The following OGDHL variants were observed in gnomAD, a reference collection of about 807,000 sequenced individuals.
OGDHL encodes oxoglutarate dehydrogenase L, also known as 2-oxoglutarate dehydrogenase-like, mitochondrial.
In OGDHL, 79 loss-of-function variants were observed where a neutral mutation model predicts 109.6. That is an observed-to-expected ratio of 0.72 (90% CI 0.60 to 0.87). The LOEUF (loss-of-function observed/expected upper bound fraction) is 0.87. Ranked by LOEUF, OGDHL falls within the 40% of genes least tolerant of loss-of-function variation. The probability of loss-of-function intolerance (pLI) is 0.00; values close to 1 mark genes in which losing one functional copy is unlikely to be tolerated. For missense variants in OGDHL, 1,275 were observed against 1,362.2 expected (o/e 0.94, Z 1.01); for synonymous variants, 528 against 537.2 (o/e 0.98, Z 0.24).
intron 10 of OGDHL, 112 bp from the exon 11 acceptor site, chr10:49,746,089 G>C (rs1037454829): frequency 4.1e-6 from 5 of 1,206,686 alleles, no homozygotes; most frequent in Non-Finnish European, 5.8e-6. Context: ...GAGGTGCCCA[G>C]GAGGAATGTG....
chr10:49,744,796 G>A (rs374584446), intron 12 of OGDHL, 44 bp from the exon 13 acceptor site: 144 of 1,494,452 alleles, frequency 9.6e-5, no homozygotes, highest in Non-Finnish European at 1.3e-4. Context: ...AAAGCCCTGC[G>A]CAGCCAGACG....
chr10:49,737,763 A>G (rs1354582314), intron 20 of OGDHL, 23 bp downstream of exon 20: 1 of 1,613,852 alleles, frequency 6.2e-7, no homozygotes, highest in Non-Finnish European at 8.5e-7. Context: ...GGGCTACCCC[A>G]CACACCCAGG....
Position 49,756,878 on chromosome 10 carries a change from AG to A in OGDHL, c.272del (p.Pro91LeufsTer30). 1 of 1,614,058 alleles carries A rather than the reference AG, an allele frequency of 6.2e-7. No individual in the cohort carries two copies. Among genetic ancestry groups the A allele is most frequent in the Non-Finnish European group, 8.5e-7 (1 of 1,179,962 alleles). ...CAGACCTGCTCTCATGGACAACAGA[AG>A]GGGGCCGTGGCTGAGCAGAGCCAGA... is the stretch of plus-strand genomic sequence containing the variant. Reference protein sequence around the residue: ...AFSGSAQPRPPSVVHESRSAV... With the variant: ...AFSGSAQPRPXSVVHESRSAV... On this transcript the variant is annotated frameshift_variant, in exon 3 of 23. Coordinates refer to ENST00000374103, the MANE Select transcript of OGDHL (RefSeq NM_018245.3). LOFTEE classifies it high-confidence loss of function.
chr10:49,738,500 A>T (rs1364972085), intron 17 of OGDHL: 3 of 566,690 alleles, frequency 5.3e-6, no homozygotes, highest in Non-Finnish European at 9.5e-6. Flanking sequence ...CAGAAGAAAA[A>T]GCAAAAAGCC....
chr10:49,751,709 G>T, intron 6 of OGDHL, 118 bp downstream of exon 6: 1 of 1,340,480 alleles, frequency 7.5e-7, no homozygotes, highest in Non-Finnish European at 1.0e-6. Flanking sequence ...CCAGTGGTGA[G>T]GCCGATCCAG....
intron 3 of OGDHL, among the ~76,000 whole-genome samples, chr10:49,754,336 T>C (rs1230862297): frequency 3.9e-5 from 6 of 152,358 alleles, no homozygotes; most frequent in East Asian, 1.9e-4. Context: ...TATGTTTATA[T>C]TCATGCATTC....
intron 8 of OGDHL, among the ~76,000 whole-genome samples, chr10:49,748,841 G>A (rs186972024): frequency 2.6e-5 from 4 of 151,770 alleles, no homozygotes; most frequent in Non-Finnish European, 5.9e-5. Context: ...GGACACAGAG[G>A]AGGGAGTGAC....
In OGDHL at chr10:49,749,996, C is replaced by T. The variant is rs543517583; in HGVS notation, c.897-180G>A. ...GCTGTAATGGCCCGAGGCTTAAAGC[C>T]CCATGCTTTCTTGCTGCCTCAGGCC... On this transcript the variant is annotated intron_variant, in intron 7 of 22. Coordinates refer to ENST00000374103, the MANE Select transcript of OGDHL (RefSeq NM_018245.3). 5.9e-5 allele frequency among the ~76,000 whole-genome samples: 9 copies of T among 152,282 alleles called. No homozygotes were observed. The South Asian group carries it at 1.9e-3, about 32-fold the overall frequency.
chr10:49,745,067 C>A (rs1036444977), intron 12 of OGDHL, among the ~76,000 whole-genome samples: 1 of 152,240 alleles, frequency 6.6e-6, no homozygotes, highest in Admixed American at 6.5e-5. Flanking sequence ...ATGGGGACAA[C>A]CCCAGCTCAG....
chr10:49,740,904 G>A (rs1012704460), intron 15 of OGDHL, 67 bp from the exon 16 acceptor site: 19 of 1,598,658 alleles, frequency 1.2e-5, no homozygotes, highest in South Asian at 3.3e-5. Context: ...CCTGGAGCAG[G>A]GGAGCTGGGC....
chr10:49,755,467 T>G (rs946835544), intron 3 of OGDHL, among the ~76,000 whole-genome samples: 1 of 152,192 alleles, frequency 6.6e-6, no homozygotes, highest in Non-Finnish European at 1.5e-5. Flanking sequence ...GGGAAATTGA[T>G]GAAACAAGGC....
chr10:49,756,522 G>T, intron 3 of OGDHL: 1 of 357,470 alleles, frequency 2.8e-6, no homozygotes, highest in Non-Finnish European at 5.0e-6. Context: ...CACGTACTCG[G>T]GGCATGGTGT....
chr10:49,753,888 TAAAAAAAAAAA>T (rs63200161), intron 3 of OGDHL, among the ~76,000 whole-genome samples: 1 of 87,270 alleles, frequency 1.1e-5, no homozygotes, highest in Middle Eastern at 6.8e-3. Flanking sequence ...AAACTCCATC[TAAAAAAAAAAA>T]AAAAAAAAAA....
At chr10:49,745,621 C>G (rs1241154778) in intron 11 of OGDHL, 125 bp from the exon 12 acceptor site, 1 of 1,348,098 alleles carries the variant, frequency 7.4e-7, no homozygotes. Context: ...CCACTATCAC[C>G]TATCACCGAA....
Position 49,749,807 on chromosome 10 carries a change from C to T in OGDHL, c.906G>A (p.Leu302=). 6.3e-7 allele frequency: 1 copy of T among 1,595,440 alleles called. No individual in the cohort carries two copies. ...VILGMPHRGR[L]NVLANVIRKD... ...TGCGGATCACGTTGGCCAGCACGTT[C>T]AGCCTTCCCCTGGAGCCAGAGGGGC... The change falls in exon 8 of 23, where the codon CTG becomes CTA. Residue 302 remains leucine (L), a synonymous_variant. Coordinates refer to ENST00000374103, the MANE Select transcript of OGDHL (RefSeq NM_018245.3).
chr10:49,735,418 C>A, intron 22 of OGDHL, 67 bp from the exon 23 acceptor site: 1 of 1,570,756 alleles, frequency 6.4e-7, no homozygotes, highest in South Asian at 1.2e-5. Context: ...TGCCCTCACT[C>A]CGGGACTGCA....
chr10:49,754,127 A>C (rs1842775377), intron 3 of OGDHL, among the ~76,000 whole-genome samples: 1 of 152,200 alleles, frequency 6.6e-6, no homozygotes, highest in South Asian at 2.1e-4. Flanking sequence ...AGGGCCCAGA[A>C]GTAATGATCA....
chr10:49,739,801 G>A lies in OGDHL; in HGVS notation c.2179C>T (p.Leu727=). ...CCAAACTGGGCCTCCCAGAGGACCAGGGCATTGGGGCTGGCCATGGCATAG... is the reference window on the plus strand; with the variant it reads ...CCAAACTGGGCCTCCCAGAGGACCAAGGCATTGGGGCTGGCCATGGCATAG... ...LGYAMASPNA[L]VLWEAQFGDF... is the part of the protein sequence containing the mutation. The change falls in exon 17 of 23, where the codon CTG becomes TTG. Residue 727 remains leucine, a synonymous_variant. Transcript: ENST00000374103. 6.2e-7 allele frequency: 1 copy of A among 1,614,146 alleles called. No individual in the cohort carries two copies. The highest frequency in any genetic ancestry group is 1.1e-5 in the South Asian group (1 of 91,076).
chr10:49,754,897 T>C (rs938146184), intron 3 of OGDHL, among the ~76,000 whole-genome samples: 2 of 152,186 alleles, frequency 1.3e-5, no homozygotes, highest in Non-Finnish European at 2.9e-5. Flanking sequence ...AAGAGCCACT[T>C]TAGCCTATTG....
Sources: allele counts gnomAD v4.1 joint callset (sites outside exome capture counted in the v4.1 genomes callset), GRCh38; gene constraint gnomAD v4.1.1; transcripts MANE v1.5; gene names NCBI Gene and HGNC (gene_info 2026-07-23, HGNC 2026-07-21).